Variants in GBA1 observed in about 807,000 individuals in gnomAD.
GBA1 encodes glucosylceramidase beta 1.
At chr1:155,241,704 TGA>T in the GBA1 span, among the ~76,000 whole-genome samples, 1 of 151,944 alleles carries the variant, frequency 6.6e-6, no homozygotes, top group East Asian at 1.9e-4. Flanking sequence ...CTCTCTGAGA[TGA>T]GGAGGGACCA....
chr1:155,236,162 A>C, the GBA1 span: 5 of 1,210,332 alleles, frequency 4.1e-6, no homozygotes, highest in South Asian at 6.3e-5. Context: ...AAAGCTGGAC[A>C]GGAAGGGCTT....
chr1:155,238,739 T>C, the GBA1 span: 1 of 1,606,068 alleles, frequency 6.2e-7, no homozygotes. Flanking sequence ...TAATAGTGTC[T>C]GAGTCAGGGC....
chr1:155,237,247 T>A, the GBA1 span: 2 of 1,596,380 alleles, frequency 1.3e-6, no homozygotes, highest in East Asian at 4.5e-5. Flanking sequence ...TAGGAATCCA[T>A]AGTTGGGTAG....
At chr1:155,236,514 C>T in the GBA1 span, 23 of 1,459,866 alleles carry the variant, frequency 1.6e-5, no homozygotes, top group South Asian at 2.4e-4. Context: ...ACACAGGCTT[C>T]TGGAACTTCT....
the GBA1 span, chr1:155,240,754 C>T: frequency 3.1e-5 from 48 of 1,537,944 alleles, 1 homozygote; most frequent in Non-Finnish European, 4.0e-5. Context: ...AAAGCAAGCC[C>T]CTCTCCACCC....
chr1:155,241,412 AG>A, the GBA1 span: 1 of 507,178 alleles, frequency 2.0e-6, no homozygotes, highest in East Asian at 3.3e-5. Context: ...TGACAACTTT[AG>A]GAAGAGCCTA....
chr1:155,241,846 G>T, the GBA1 span, among the ~76,000 whole-genome samples: 1 of 152,140 alleles, frequency 6.6e-6, no homozygotes, highest in Non-Finnish European at 1.5e-5. Context: ...GGGAGGGAGT[G>T]GTCAGTGCGG....
chr1:155,238,820 A>G, the GBA1 span: 270 of 711,250 alleles, frequency 3.8e-4, 1 homozygote, highest in Non-Finnish European at 6.1e-4. Flanking sequence ...GGCCTTTCTG[A>G]GCCTGAGTCC....
chr1:155,236,193 T>A, the GBA1 span: 4 of 1,469,596 alleles, frequency 2.7e-6, no homozygotes, highest in Non-Finnish European at 3.8e-6. Flanking sequence ...TTGGTGAAAC[T>A]AGTAAGAGGT....
the GBA1 span, chr1:155,235,323 A>G: frequency 6.2e-7 from 1 of 1,609,102 alleles, no homozygotes; most frequent in East Asian, 2.2e-5. Context: ...TGAATGTGGG[A>G]ACAGATGGTC....
At chr1:155,243,682 C>T in the GBA1 span, among the ~76,000 whole-genome samples, 1 of 152,150 alleles carries the variant, frequency 6.6e-6, no homozygotes, top group Non-Finnish European at 1.5e-5. Flanking sequence ...GCAGGTTGGT[C>T]TCAAACTCCT....
At chr1:155,239,550 T>C in the GBA1 span, 3 of 1,585,188 alleles carry the variant, frequency 1.9e-6, no homozygotes, top group Non-Finnish European at 2.6e-6. Context: ...AAAAAAATTT[T>C]AAAAAAAGAA....
the GBA1 span, among the ~76,000 whole-genome samples, chr1:155,242,965 T>G: frequency 6.6e-6 from 1 of 152,230 alleles, no homozygotes; most frequent in East Asian, 1.9e-4. Context: ...ACTGGCTGTT[T>G]GACTTTCAAT....
chr1:155,236,159 G>T, the GBA1 span: 2 of 1,190,728 alleles, frequency 1.7e-6, no homozygotes, highest in Non-Finnish European at 2.5e-6. Flanking sequence ...GGGAAAGCTG[G>T]ACAGGAAGGG....
the GBA1 span, chr1:155,241,414 G>A: frequency 4.0e-6 from 2 of 501,962 alleles, no homozygotes; most frequent in Non-Finnish European, 7.2e-6. Context: ...ACAACTTTAG[G>A]AAGAGCCTAG....
chr1:155,242,740 C>T, the GBA1 span, among the ~76,000 whole-genome samples: 2 of 151,520 alleles, frequency 1.3e-5, no homozygotes, highest in Non-Finnish European at 2.9e-5. Flanking sequence ...TTACAGGAGC[C>T]CACCACCATG....
chr1:155,244,235 T>G, the GBA1 span: 1 of 151,960 alleles, frequency 6.6e-6, no homozygotes, highest in East Asian at 1.9e-4. Context: ...CCGTCTCTAC[T>G]AAAAGATACA....
chr1:155,240,945 C>G, the GBA1 span: 1 of 866,832 alleles, frequency 1.2e-6, no homozygotes. Flanking sequence ...CCCATTTCAA[C>G]TTCGACCCCT....
At chr1:155,239,537 C>G in the GBA1 span, 1 of 1,513,952 alleles carries the variant, frequency 6.6e-7, no homozygotes, top group Non-Finnish European at 9.1e-7. Flanking sequence ...GAGATTCTGC[C>G]TCAAAAAAAT....
Sources: gnomAD v4.1 joint callset for allele counts (sites outside exome capture counted in the v4.1 genomes callset) on GRCh38, gnomAD v4.1.1 for gene constraint, MANE v1.5 for transcripts, NCBI Gene and HGNC (gene_info 2026-07-23, HGNC 2026-07-21) for gene names.